Variants in EML4 observed in about 807,000 individuals in gnomAD.
The protein encoded by EML4 is echinoderm microtubule-associated protein-like 4.
In EML4, 72 loss-of-function variants were observed where a neutral mutation model predicts 129.0. That is an observed-to-expected ratio of 0.56 (90% CI 0.46 to 0.68). The LOEUF (loss-of-function observed/expected upper bound fraction) is 0.68, where lower values mean the gene tolerates loss of function less well. Among genes scored for constraint, EML4 ranks in the 30% least tolerant of loss-of-function variants. The pLI, the probability that EML4 is intolerant of heterozygous loss-of-function variation, is 0.00. For synonymous variants in EML4, 532 were observed against 405.0 expected, an observed-to-expected ratio of 1.31 and a Z score of -3.77; for missense variants, 1,363 against 1,190.6, an observed-to-expected ratio of 1.14 and a Z score of -2.13.
intron 2 of EML4, among the ~76,000 whole-genome samples, chr2:42,254,029 T>C (rs1675961912): frequency 1.3e-5 from 2 of 152,342 alleles, no homozygotes; most frequent in African/African-American, 2.4e-5. Flanking sequence ...CAGAGGACTT[T>C]TATGTAGAAT....
At chr2:42,318,439 A>C (rs1014839647) in intron 19 of EML4, among the ~76,000 whole-genome samples, 1 of 152,196 alleles carries the variant, frequency 6.6e-6, no homozygotes, top group African/African-American at 2.4e-5. Flanking sequence ...GCCTTTTTGC[A>C]TATTTTATAC....
intron 1 of EML4, among the ~76,000 whole-genome samples, chr2:42,232,528 C>G (rs149634255): frequency 6.6e-6 from 1 of 152,232 alleles, no homozygotes; most frequent in African/African-American, 2.4e-5. Flanking sequence ...ATTTGAATTC[C>G]TTCCTAGCCT....
rs759181818 is a variant in EML4 at position 42,332,023 on chromosome 2, C to T, written c.*1816C>T. 12 of 222,208 alleles carry T rather than the reference C, an allele frequency of 5.4e-5. No homozygotes were observed. The highest frequency in any genetic ancestry group is 9.0e-5 in the Non-Finnish European group (10 of 110,932). 13.8% of individuals were successfully genotyped at this position (222,208 alleles called of 1,614,324 possible). ...GTATGTATGTTCTGTACATACTTAT[C>T]GGAGCGCGCCAGTAAGTATCAGGCA... On this transcript the variant is annotated 3_prime_UTR_variant, in exon 23 of 23. Coordinates refer to ENST00000318522, the MANE Select transcript of EML4 (RefSeq NM_019063.5).
At chr2:42,171,988 A>G (rs1451871045) in intron 1 of EML4, among the ~76,000 whole-genome samples, 2 of 151,832 alleles carry the variant, frequency 1.3e-5, no homozygotes, top group African/African-American at 4.8e-5. Context: ...AGTTACATTG[A>G]TCTTTATTTT....
In EML4 at chr2:42,284,692, A is replaced by G; in HGVS notation, c.1000A>G (p.Lys334Glu). ...AACTGGACAGATAGCTGGCGTGGATAAAGATGGAAGGGTGAGTGGCATAGT... is the reference window on the plus strand; with the variant it reads ...AACTGGACAGATAGCTGGCGTGGATGAAGATGGAAGGGTGAGTGGCATAGT... ...IATGQIAGVD[K>E]DGRPLQPHVR... Residue 334 changes from lysine to glutamate, a missense_variant, in exon 9 of 23, where the codon AAA becomes GAA. Coordinates refer to ENST00000318522, the MANE Select transcript of EML4 (RefSeq NM_019063.5). 1.2e-6 allele frequency: 2 copies of G among 1,612,616 alleles called. No homozygotes were observed. Among genetic ancestry groups the G allele is most frequent in the Non-Finnish European group, 1.7e-6 (2 of 1,179,210 alleles).
chr2:42,183,575 T>C (rs1158014955), intron 1 of EML4, among the ~76,000 whole-genome samples: 3 of 152,226 alleles, frequency 2.0e-5, no homozygotes, highest in African/African-American at 7.2e-5. Flanking sequence ...GATAGGTTTT[T>C]GGTATATGTA....
At chr2:42,261,672 C>T (rs1021728519) in intron 4 of EML4, among the ~76,000 whole-genome samples, 4 of 152,048 alleles carry the variant, frequency 2.6e-5, no homozygotes, top group Admixed American at 6.5e-5. Flanking sequence ...TGTAATTGTC[C>T]TCACTGTATT....
intron 1 of EML4, among the ~76,000 whole-genome samples, chr2:42,230,604 T>C (rs751128595): frequency 4.6e-5 from 7 of 151,942 alleles, no homozygotes; most frequent in Non-Finnish European, 7.4e-5. Context: ...TGGGGTTTTG[T>C]CATGTTGGCC....
chr2:42,212,122 A>C (rs1003961214), intron 1 of EML4, among the ~76,000 whole-genome samples: 6 of 152,186 alleles, frequency 3.9e-5, no homozygotes, highest in African/African-American at 1.4e-4. Context: ...TTGGGATTAC[A>C]GGTGTGAGCT....
intron 3 of EML4, 66 bp downstream of exon 3, chr2:42,256,696 C>T (rs981069613): frequency 8.3e-6 from 13 of 1,569,658 alleles, no homozygotes; most frequent in Non-Finnish European, 1.1e-5. Flanking sequence ...AGAGATCTCC[C>T]TTTAGAAAGA....
rs1670023295 is a variant in EML4 at position 42,330,081 on chromosome 2, G to T, written c.2820G>T (p.Glu940Asp). The T allele has an allele frequency of 6.2e-7, 1 of 1,613,046 alleles. No homozygotes were observed. Among genetic ancestry groups the T allele is most frequent in the African/African-American group, 1.3e-5 (1 of 74,530 alleles). The stretch of plus-strand genomic sequence containing the variant: ...AGCCAAGTGAAGACCACAGCGAGGA[G>T]GAGAGTGAAGAGGGCAGCGGAGACC... The part of the protein sequence containing the change: ...TVEPSEDHSE[E>D]ESEEGSGDLG... Residue 940 changes from glutamate to aspartate, a missense_variant, in exon 23 of 23, where the codon GAG becomes GAT. By Grantham distance (45) the Glu-to-Asp change is conservative. Coordinates refer to ENST00000318522, the MANE Select transcript of EML4 (RefSeq NM_019063.5).
chr2:42,216,913 C>T (rs971968036), intron 1 of EML4, among the ~76,000 whole-genome samples: 11 of 152,070 alleles, frequency 7.2e-5, no homozygotes, highest in Non-Finnish European at 1.6e-4. Flanking sequence ...GATGAAATGG[C>T]AGAGAAACAA....
intron 1 of EML4, among the ~76,000 whole-genome samples, chr2:42,221,384 T>C (rs1673581912): frequency 6.8e-6 from 1 of 146,878 alleles, no homozygotes; most frequent in South Asian, 2.1e-4. Context: ...TGACAGCACA[T>C]TGTTTACAAC....
At chr2:42,174,730 G>C (rs1297857619) in intron 1 of EML4, among the ~76,000 whole-genome samples, 1 of 152,112 alleles carries the variant, frequency 6.6e-6, no homozygotes, top group Non-Finnish European at 1.5e-5. Context: ...TTTACAAAGA[G>C]CTTTTATCTC....
chr2:42,180,965 A>G (rs1432160101), intron 1 of EML4, among the ~76,000 whole-genome samples: 2 of 152,166 alleles, frequency 1.3e-5, no homozygotes, highest in Non-Finnish European at 2.9e-5. Context: ...TTGATGTTTC[A>G]TCCTGATTAG....
chr2:42,223,020 C>T (rs539539145), intron 1 of EML4, among the ~76,000 whole-genome samples: 9 of 152,176 alleles, frequency 5.9e-5, no homozygotes, highest in African/African-American at 1.4e-4. Context: ...AGGATGGTCT[C>T]GATCTCCTGA....
chr2:42,197,601 A>T (rs1671972111), intron 1 of EML4, among the ~76,000 whole-genome samples: 4 of 152,216 alleles, frequency 2.6e-5, no homozygotes, highest in Non-Finnish European at 1.5e-5. Context: ...ACTCAACATA[A>T]ATTGTGAATC....
intron 17 of EML4, among the ~76,000 whole-genome samples, chr2:42,307,566 A>T (rs1668681651): frequency 6.6e-6 from 1 of 152,240 alleles, no homozygotes; most frequent in Non-Finnish European, 1.5e-5. Flanking sequence ...TCTAAAATGG[A>T]AAAATCTTAA....
chr2:42,230,190 A>G (rs1439954368), intron 1 of EML4, among the ~76,000 whole-genome samples: 1 of 152,164 alleles, frequency 6.6e-6, no homozygotes, highest in East Asian at 1.9e-4. Flanking sequence ...AACCACAACA[A>G]ATCAACCACT....
Sources: gnomAD v4.1 joint callset for allele counts (sites outside exome capture counted in the v4.1 genomes callset) on GRCh38, gnomAD v4.1.1 for gene constraint, MANE v1.5 for transcripts, NCBI Gene and HGNC (gene_info 2026-07-23, HGNC 2026-07-21) for gene names.